UBE2F: variants seen among roughly 807,000 people sequenced by gnomAD.
UBE2F encodes NEDD8-conjugating enzyme UBE2F.
Under a neutral mutation model 29.6 loss-of-function variants are expected in UBE2F, and 5 were observed. The ratio of observed to expected loss-of-function variants is 0.17; its 90% CI spans 0.09 to 0.36. UBE2F has a LOEUF of 0.36. Among genes scored for constraint, UBE2F ranks in the 10% least tolerant of loss-of-function variants. The pLI, the probability that UBE2F is intolerant of heterozygous loss-of-function variation, is 1.00. For synonymous variants in UBE2F, 66 were observed against 81.8 expected, an observed-to-expected ratio of 0.81 and a Z score of 1.04; for missense variants, 141 against 228.5, an observed-to-expected ratio of 0.62 and a Z score of 2.47.
chr2:238,032,563 TGAG>T, intron 8 of UBE2F: 1 of 294,328 alleles, frequency 3.4e-6, no homozygotes, highest in South Asian at 4.6e-5. Flanking sequence ...TGCAGTGAGC[TGAG>T]ATTGCACCAC....
At chr2:237,987,852 C>CA (rs59213280) in intron 2 of UBE2F, 111 bp from the exon 3 acceptor site, 162,872 of 515,332 alleles carry the variant, frequency 0.32, 18,621 homozygotes, top group Admixed American at 0.38. Context: ...TCAGTTCATC[C>CA]TTTTTTTTTT....
intron 2 of UBE2F, 56 bp from the exon 3 acceptor site, chr2:237,987,907 G>T: frequency 1.0e-6 from 1 of 978,042 alleles, no homozygotes; most frequent in Middle Eastern, 2.4e-4. Flanking sequence ...TTTAGAACTG[G>T]TGATTTTATG....
chr2:237,970,215 A>C (rs1490192883), intron 1 of UBE2F, among the ~76,000 whole-genome samples: 1 of 152,128 alleles, frequency 6.6e-6, no homozygotes, highest in African/African-American at 2.4e-5. Flanking sequence ...AAAAATTAAA[A>C]TTAGCTGGAC....
chr2:238,002,789 A>T (rs1048308159), intron 4 of UBE2F, among the ~76,000 whole-genome samples: 16 of 148,864 alleles, frequency 1.1e-4, no homozygotes, highest in African/African-American at 4.0e-4. Context: ...TTTTTATTTT[A>T]TTTATTTATT....
intron 5 of UBE2F, among the ~76,000 whole-genome samples, chr2:238,021,732 C>T (rs887625627): frequency 6.6e-6 from 1 of 152,214 alleles, no homozygotes; most frequent in Non-Finnish European, 1.5e-5. Flanking sequence ...ACCACATAGT[C>T]TCTGTCCCAT....
At chr2:237,981,445 G>A (rs2063373474) in intron 2 of UBE2F, among the ~76,000 whole-genome samples, 2 of 151,980 alleles carry the variant, frequency 1.3e-5, no homozygotes, top group Non-Finnish European at 2.9e-5. Flanking sequence ...CCCCAGGATT[G>A]TAGTCCTTGC....
chr2:238,033,119 G>T (rs1397445140), intron 8 of UBE2F, among the ~76,000 whole-genome samples: 1 of 152,154 alleles, frequency 6.6e-6, no homozygotes, highest in African/African-American at 2.4e-5. Flanking sequence ...TTCTGGTTGG[G>T]GTGGATGATT....
chr2:238,015,002 C>T (rs1238818564), intron 4 of UBE2F, among the ~76,000 whole-genome samples: 1 of 152,116 alleles, frequency 6.6e-6, no homozygotes, highest in Non-Finnish European at 1.5e-5. Flanking sequence ...ATAATAAACG[C>T]CGTTGGGGTG....
intron 4 of UBE2F, among the ~76,000 whole-genome samples, chr2:238,006,759 C>CTTTTTTTTTTTTTTTTTT (rs60514924): frequency 3.2e-5 from 4 of 125,588 alleles, no homozygotes; most frequent in African/African-American, 1.2e-4. Flanking sequence ...TTTCTTTTTT[C>CTTTTTTTTTTTTTTTTTT]TTTTTTTTTT....
At chr2:237,973,681 A>G in intron 2 of UBE2F, 1 of 1,302,754 alleles carries the variant, frequency 7.7e-7, no homozygotes, top group Non-Finnish European at 1.0e-6. Context: ...GTGAAAAATT[A>G]GTTCTCTTCA....
intron 8 of UBE2F, among the ~76,000 whole-genome samples, chr2:238,033,295 G>T (rs1243712059): frequency 6.6e-6 from 1 of 152,176 alleles, no homozygotes; most frequent in Non-Finnish European, 1.5e-5. Context: ...AAAAGCTGTT[G>T]GTTGGATTTT....
chr2:237,994,152 C>T (rs2063644980), intron 3 of UBE2F, among the ~76,000 whole-genome samples: 1 of 150,480 alleles, frequency 6.6e-6, no homozygotes, highest in Admixed American at 6.6e-5. Context: ...CTCTTGTTGC[C>T]CAAGCTGGAG....
chr2:237,976,312 G>A (rs1442944873), intron 2 of UBE2F, among the ~76,000 whole-genome samples: 1 of 152,220 alleles, frequency 6.6e-6, no homozygotes, highest in Non-Finnish European at 1.5e-5. Flanking sequence ...TGTCAGCTGA[G>A]GAGGAGTGGG....
intron 3 of UBE2F, among the ~76,000 whole-genome samples, chr2:237,991,759 C>T (rs1235290901): frequency 1.3e-5 from 2 of 151,712 alleles, no homozygotes; most frequent in Admixed American, 6.6e-5. Flanking sequence ...CCCGCCACCA[C>T]GCCTAGCCAA....
intron 2 of UBE2F, among the ~76,000 whole-genome samples, chr2:237,978,695 G>A (rs1394899466): frequency 1.3e-5 from 2 of 152,216 alleles, no homozygotes; most frequent in Non-Finnish European, 1.5e-5. Flanking sequence ...AGAATGATGA[G>A]TGTTTTGGGC....
intron 2 of UBE2F, among the ~76,000 whole-genome samples, chr2:237,979,591 T>A (rs1477163988): frequency 1.3e-5 from 2 of 152,142 alleles, no homozygotes; most frequent in Non-Finnish European, 2.9e-5. Context: ...AATACATATT[T>A]TAAAAACTAG....
intron 8 of UBE2F, among the ~76,000 whole-genome samples, chr2:238,033,347 G>A (rs560670633): frequency 1.3e-5 from 2 of 152,192 alleles, no homozygotes; most frequent in South Asian, 2.1e-4. Context: ...TTTACTTTTC[G>A]ATTCATAAAG....
At chr2:238,039,447 T>C (rs2064792981) in intron 9 of UBE2F, among the ~76,000 whole-genome samples, 2 of 152,164 alleles carry the variant, frequency 1.3e-5, no homozygotes, top group Non-Finnish European at 2.9e-5. Flanking sequence ...ATCAGAGGAA[T>C]GGAATAGTAG....
chr2:237,977,304 A>G (rs2063301578), intron 2 of UBE2F, among the ~76,000 whole-genome samples: 1 of 152,240 alleles, frequency 6.6e-6, no homozygotes, highest in Non-Finnish European at 1.5e-5. Context: ...AGGCACTGGT[A>G]GCGATTAAGT....
Sources: gnomAD v4.1 joint callset for allele counts (sites outside exome capture counted in the v4.1 genomes callset) on GRCh38, gnomAD v4.1.1 for gene constraint, MANE v1.5 for transcripts, NCBI Gene and HGNC (gene_info 2026-07-23, HGNC 2026-07-21) for gene names.